SLC16A7: variants seen among roughly 807,000 people sequenced by gnomAD.
The protein encoded by SLC16A7 is monocarboxylate transporter 2.
In SLC16A7, 33 loss-of-function variants were observed where a neutral mutation model predicts 34.9. That is an observed-to-expected ratio of 0.94 (90% CI 0.72 to 1.26). The LOEUF (loss-of-function observed/expected upper bound fraction) is 1.26. SLC16A7 is among the 50% of genes most tolerant of loss of function. The pLI is 0.00. For synonymous variants in SLC16A7, 201 were observed against 206.6 expected (o/e 0.97, Z 0.23); for missense variants, 573 against 578.1 (o/e 0.99, Z 0.09).
At chr12:59,599,610 G>T (rs987927513) in intron 1 of SLC16A7, among the ~76,000 whole-genome samples, 1 of 152,204 alleles carries the variant, frequency 6.6e-6, no homozygotes, top group Non-Finnish European at 1.5e-5. Flanking sequence ...TACTTGTATT[G>T]TTGTTCTGAA....
At chr12:59,650,320 A>C (rs934400173) in intron 1 of SLC16A7, among the ~76,000 whole-genome samples, 5 of 152,174 alleles carry the variant, frequency 3.3e-5, no homozygotes, top group Admixed American at 6.5e-5. Context: ...TTAGCACTAG[A>C]AGTGTTTTTA....
chr12:59,596,288 C>G lies in SLC16A7; in HGVS notation c.-130+52C>G, dbSNP rs12818777. On this transcript the variant is annotated intron_variant, in intron 1 of 5. Coordinates refer to ENST00000547379, the MANE Select transcript of SLC16A7 (RefSeq NM_001270623.2). This position sits in a 1 kb window ranked among gnomAD's most constrained non-coding sequence, Gnocchi z 5.0. ...GAGGAGGAGGAGGAGGAGGAGGTGC[C>G]GGCTAAGAGGAGGGCGAGCCTGCGT... The G allele has an allele frequency of 0.035, 5,309 of 153,198 alleles. 119 individuals carry two copies. Among genetic ancestry groups the G allele is most frequent in the Middle Eastern group, 0.088 (35 of 396 alleles). The allele number at this position is 153,198 out of a possible 1,614,324, so 9.5% of individuals were successfully genotyped here. A position where few individuals can be genotyped will look rare whatever the true frequency, so the allele number is the denominator to read the frequency against.
intron 2 of SLC16A7, 68 bp from the exon 3 acceptor site, chr12:59,704,704 T>C: frequency 1.3e-6 from 1 of 740,844 alleles, no homozygotes; most frequent in Non-Finnish European, 2.2e-6. Flanking sequence ...ACTATTTTAG[T>C]GACTATGAAG....
chr12:59,610,944 T>C (rs1426112343), intron 1 of SLC16A7, among the ~76,000 whole-genome samples: 1 of 152,038 alleles, frequency 6.6e-6, no homozygotes, highest in African/African-American at 2.4e-5. Context: ...TTCACAGTTC[T>C]GGAGGCTGGC....
chr12:59,609,668 A>G (rs1879103078), intron 1 of SLC16A7, among the ~76,000 whole-genome samples: 1 of 152,158 alleles, frequency 6.6e-6, no homozygotes, highest in Non-Finnish European at 1.5e-5. Context: ...TTAAAAATCT[A>G]TGAGCTATTT....
chr12:59,654,774 G>T (rs752447601), intron 1 of SLC16A7, among the ~76,000 whole-genome samples: 4 of 151,666 alleles, frequency 2.6e-5, no homozygotes, highest in Non-Finnish European at 2.9e-5. Context: ...TTAAAAACAA[G>T]CTATTGGTTT....
intron 1 of SLC16A7, among the ~76,000 whole-genome samples, chr12:59,615,979 A>G (rs1879431287): frequency 6.6e-6 from 1 of 152,154 alleles, no homozygotes; most frequent in African/African-American, 2.4e-5. Flanking sequence ...TGTTCCCTGT[A>G]ATGCCCTTCA....
chr12:59,763,861 T>C (rs552283292), intron 3 of SLC16A7: 3 of 152,244 alleles, frequency 2.0e-5, no homozygotes, highest in South Asian at 4.1e-4. Context: ...TTGGGTGCCA[T>C]GAACTGTGCC....
Position 59,775,382 on chromosome 12 carries a change from A to G in SLC16A7, c.1087A>G (p.Met363Val). 6.2e-7 allele frequency: 1 copy of G among 1,614,068 alleles called. No homozygotes were observed. Among genetic ancestry groups the G allele is most frequent in the Non-Finnish European group, 8.5e-7 (1 of 1,179,964 alleles). The change falls in exon 5 of 6, where the codon ATG (methionine) becomes GTG (valine). Residue 363 changes from methionine to valine, a missense_variant. Transcript: ENST00000547379. The part of the protein sequence containing the change: ...SVSSVLFETL[M>V]DLVGAPRFSS... Reference sequence around the variant, plus strand: ...TAGCAGTGTTCTCTTTGAAACTCTCATGGACCTCGTGGGTGCACCAAGATT... The same window carrying G: ...TAGCAGTGTTCTCTTTGAAACTCTCGTGGACCTCGTGGGTGCACCAAGATT...
chr12:59,628,801 C>T (rs1880049310), intron 1 of SLC16A7, among the ~76,000 whole-genome samples: 1 of 151,772 alleles, frequency 6.6e-6, no homozygotes. Context: ...ATTGAATTTT[C>T]CAATCCTTAG....
chr12:59,720,334 A>G, intron 3 of SLC16A7: 1 of 484,978 alleles, frequency 2.1e-6, no homozygotes, highest in South Asian at 3.3e-5. Context: ...GACCATAATT[A>G]GTACCCATAA....
At chr12:59,740,388 T>C (rs1878164225) in intron 3 of SLC16A7, among the ~76,000 whole-genome samples, 1 of 152,204 alleles carries the variant, frequency 6.6e-6, no homozygotes, top group Admixed American at 6.5e-5. Flanking sequence ...GGCTCTGTTC[T>C]GTTCCATTGA....
At chr12:59,655,069 G>A (rs1433058822) in intron 1 of SLC16A7, 83 bp from the exon 2 acceptor site, 2 of 151,950 alleles carry the variant, frequency 1.3e-5, no homozygotes, top group Non-Finnish European at 2.9e-5. Context: ...AAGTCTTTCA[G>A]ATATGGAGTT....
chr12:59,745,376 G>A (rs1878782331), intron 3 of SLC16A7, among the ~76,000 whole-genome samples: 2 of 152,234 alleles, frequency 1.3e-5, no homozygotes, highest in Admixed American at 6.5e-5. Context: ...GGATGTTGGA[G>A]AATCAAGCAT....
intron 2 of SLC16A7, among the ~76,000 whole-genome samples, chr12:59,700,535 ACT>A (rs1434392200): frequency 8.0e-5 from 12 of 149,518 alleles, no homozygotes; most frequent in African/African-American, 2.9e-4. Context: ...TTTAATTTTG[ACT>A]CTTTGATCTA....
intron 1 of SLC16A7, among the ~76,000 whole-genome samples, chr12:59,609,182 T>A (rs1276111129): frequency 6.6e-6 from 1 of 152,232 alleles, no homozygotes; most frequent in East Asian, 1.9e-4. Flanking sequence ...CCTAGGGGAA[T>A]GGAAGATGGC....
chr12:59,740,065 A>T (rs1878119131), intron 3 of SLC16A7, among the ~76,000 whole-genome samples: 1 of 150,898 alleles, frequency 6.6e-6, no homozygotes, highest in Non-Finnish European at 1.5e-5. Flanking sequence ...CCCATTTGTC[A>T]ATTTTGGCTT....
chr12:59,663,623 T>TG (rs1262129287), intron 2 of SLC16A7, among the ~76,000 whole-genome samples: 14 of 152,130 alleles, frequency 9.2e-5, no homozygotes, highest in Non-Finnish European at 2.1e-4. Flanking sequence ...GGTTGTCAGA[T>TG]GTACTATATA....
At chr12:59,749,620 T>C (rs1344643899) in intron 3 of SLC16A7, among the ~76,000 whole-genome samples, 1 of 152,206 alleles carries the variant, frequency 6.6e-6, no homozygotes, top group African/African-American at 2.4e-5. Context: ...GAGAGTATCA[T>C]GGATGTTTGG....
Sources: gnomAD v4.1 joint callset for allele counts (sites outside exome capture counted in the v4.1 genomes callset) on GRCh38, gnomAD v4.1.1 for gene constraint, Gnocchi (gnomAD v3.1) non-coding constraint, MANE v1.5 for transcripts, NCBI Gene and HGNC (gene_info 2026-07-23, HGNC 2026-07-21) for gene names.